Variants in UBL3 observed in about 807,000 individuals in gnomAD.
The protein encoded by UBL3 is ubiquitin like 3.
A neutral mutation model predicts 18.4 loss-of-function variants in UBL3; 6 were observed. The observed-to-expected ratio is 0.33, with a 90% CI of 0.18 to 0.64. The LOEUF is 0.64. Ranked by LOEUF, UBL3 falls within the 30% of genes least tolerant of loss-of-function variation. The pLI is 0.76. For missense variants in UBL3, 109 were observed against 142.9 expected (o/e 0.76, Z 1.21); for synonymous variants, 49 against 46.6 (o/e 1.05, Z -0.21).
At position 29,835,118 on chromosome 13, in the gene UBL3, ATATATAAATATATATATATATATATAT is replaced by A. The variant is rs1878903587; in HGVS notation, c.27+14367_27+14393del. On this transcript the variant is annotated intron_variant, in intron 1 of 4. Transcript: ENST00000380680. Reference sequence around the variant, plus strand: ...TATATATATATATAAATATATATATATATATAAATATATATATATATATATATATATATATATATATATATATATATA... The same window carrying A: ...TATATATATATATAAATATATATATAATATATATATATATATATATATATA... 2.3e-4 allele frequency among the ~76,000 whole-genome samples: 6 copies of A among 26,278 alleles called. 1 individual carries two copies. Among genetic ancestry groups the A allele is most frequent in the Non-Finnish European group, 3.4e-4 (6 of 17,658 alleles). The allele number at this position is 26,278 out of a possible 152,430, so 17.2% of individuals were successfully genotyped here.
At chr13:29,791,037 G>A (rs1258809601) in intron 1 of UBL3, among the ~76,000 whole-genome samples, 1 of 152,148 alleles carries the variant, frequency 6.6e-6, no homozygotes, top group African/African-American at 2.4e-5. Context: ...CGGGTAGATA[G>A]CTTACTGTCC....
intron 1 of UBL3, among the ~76,000 whole-genome samples, chr13:29,825,498 CTGTT>C (rs1359883806): frequency 4.6e-5 from 7 of 152,226 alleles, no homozygotes; most frequent in South Asian, 2.1e-4. Flanking sequence ...ATTTGGCTCT[CTGTT>C]TGTCTGTTAT....
intron 1 of UBL3, among the ~76,000 whole-genome samples, chr13:29,848,105 G>A (rs1879272515): frequency 6.6e-6 from 1 of 152,064 alleles, no homozygotes; most frequent in African/African-American, 2.4e-5. Context: ...TATAAAATCT[G>A]TATATGAGGT....
chr13:29,814,324 A>AGAG (rs1878204822), intron 1 of UBL3, among the ~76,000 whole-genome samples: 2 of 152,202 alleles, frequency 1.3e-5, no homozygotes, highest in Admixed American at 1.3e-4. Flanking sequence ...AGACGTTCTC[A>AGAG]AGGAAAACAA....
chr13:29,840,209 C>G (rs1443262172), intron 1 of UBL3, among the ~76,000 whole-genome samples: 1 of 151,596 alleles, frequency 6.6e-6, no homozygotes, highest in Non-Finnish European at 1.5e-5. Context: ...TAAAAGGATA[C>G]ACACACACAC....
intron 2 of UBL3, among the ~76,000 whole-genome samples, chr13:29,772,611 C>T (rs1417663715): frequency 6.6e-6 from 1 of 151,980 alleles, no homozygotes; most frequent in African/African-American, 2.4e-5. Context: ...TAGAAAACAG[C>T]AGGCTTAACA....
Position 29,767,053 on chromosome 13 carries a change from C to A in UBL3, c.*202G>T. On this transcript the variant is annotated 3_prime_UTR_variant, in exon 5 of 5. Transcript: ENST00000380680. ...TGTTAAAACAGCTCAACAAAAAATACAAGAAATAAAAAATCAGAGTGAAAA... is the reference window on the plus strand; with the variant it reads ...TGTTAAAACAGCTCAACAAAAAATAAAAGAAATAAAAAATCAGAGTGAAAA... 2.1e-6 allele frequency: 1 copy of A among 469,396 alleles called. No individual in the cohort carries two copies. The highest frequency in any genetic ancestry group is 5.4e-5 in the South Asian group (1 of 18,500). 29.1% of individuals were successfully genotyped at this position (469,396 alleles called of 1,614,324 possible). A position where few individuals can be genotyped will look rare whatever the true frequency, so the allele number is the denominator to read the frequency against.
intron 1 of UBL3, among the ~76,000 whole-genome samples, chr13:29,845,514 T>C (rs1314564864): frequency 6.6e-6 from 1 of 152,124 alleles, no homozygotes; most frequent in Non-Finnish European, 1.5e-5. Context: ...GACCTTTTCC[T>C]TTCATGGCAT....
At chr13:29,803,470 A>G (rs1863341768) in intron 1 of UBL3, among the ~76,000 whole-genome samples, 1 of 152,190 alleles carries the variant, frequency 6.6e-6, no homozygotes, top group African/African-American at 2.4e-5. Flanking sequence ...AAATGCCCCA[A>G]TTAAAAGGCA....
At chr13:29,781,965 T>G (rs370077439) in intron 1 of UBL3, among the ~76,000 whole-genome samples, 18 of 151,476 alleles carry the variant, frequency 1.2e-4, no homozygotes, top group African/African-American at 4.4e-4. Context: ...ATCATGCCAT[T>G]GCACTCCAGC....
At chr13:29,840,535 T>G (rs373438188) in intron 1 of UBL3, among the ~76,000 whole-genome samples, 1 of 120,232 alleles carries the variant, frequency 8.3e-6, no homozygotes, top group Non-Finnish European at 1.8e-5. Flanking sequence ...TTAAAATTGC[T>G]AGCCAATTGT....
At chr13:29,796,741 G>A (rs370856715) in intron 1 of UBL3, among the ~76,000 whole-genome samples, 4 of 152,084 alleles carry the variant, frequency 2.6e-5, no homozygotes, top group Admixed American at 6.6e-5. Context: ...AATCAAAAAC[G>A]CTGACAATCT....
At chr13:29,799,021 C>G (rs902206794) in intron 1 of UBL3, among the ~76,000 whole-genome samples, 1 of 152,218 alleles carries the variant, frequency 6.6e-6, no homozygotes, top group Admixed American at 6.5e-5. Context: ...GAATACAGCT[C>G]TGTTTCTGAA....
chr13:29,814,740 T>C (rs752360174), intron 1 of UBL3, among the ~76,000 whole-genome samples: 5 of 152,150 alleles, frequency 3.3e-5, no homozygotes, highest in Admixed American at 6.6e-5. Context: ...TGGAATATGA[T>C]TGGCCATGTG....
chr13:29,775,268 A>C (rs1876950865), intron 2 of UBL3, among the ~76,000 whole-genome samples: 1 of 152,210 alleles, frequency 6.6e-6, no homozygotes, highest in Admixed American at 6.5e-5. Context: ...TATATGAGTT[A>C]AGAAGAATAA....
intron 1 of UBL3, among the ~76,000 whole-genome samples, chr13:29,842,134 C>CATTT (rs1368261223): frequency 1.6e-5 from 2 of 128,030 alleles, no homozygotes; most frequent in African/African-American, 6.8e-5. Context: ...CATTCTCTTT[C>CATTT]TTTTTTTTTT....
At chr13:29,776,701 T>A (rs1016534308) in intron 2 of UBL3, among the ~76,000 whole-genome samples, 3 of 151,594 alleles carry the variant, frequency 2.0e-5, no homozygotes, top group Non-Finnish European at 4.4e-5. Flanking sequence ...TGAAACCCTG[T>A]TTCTACCAAA....
At chr13:29,847,539 AG>A (rs1444957616) in intron 1 of UBL3, among the ~76,000 whole-genome samples, 3 of 152,352 alleles carry the variant, frequency 2.0e-5, no homozygotes, top group Non-Finnish European at 4.4e-5. Flanking sequence ...ACTTGGAAAC[AG>A]TATTTCCCAA....
intron 1 of UBL3, among the ~76,000 whole-genome samples, chr13:29,810,021 T>C (rs1301361492): frequency 6.6e-6 from 1 of 152,108 alleles, no homozygotes; most frequent in East Asian, 1.9e-4. Flanking sequence ...TCACAGTTGG[T>C]TAATCCACAG....
Sources: allele counts gnomAD v4.1 joint callset (sites outside exome capture counted in the v4.1 genomes callset), GRCh38; gene constraint gnomAD v4.1.1; transcripts MANE v1.5; gene names NCBI Gene and HGNC (gene_info 2026-07-23, HGNC 2026-07-21).